NEK7: variants seen among roughly 807,000 people sequenced by gnomAD.
NEK7 encodes the protein NIMA related kinase 7.
NEK7 carries 18 observed loss-of-function variants against 44.6 expected under a neutral mutation model. The observed-to-expected ratio is 0.40, with a 90% CI of 0.28 to 0.60. The LOEUF (loss-of-function observed/expected upper bound fraction) is 0.60, where lower values mean the gene tolerates loss of function less well. NEK7 is among the 20% of genes least tolerant of loss of function. The pLI, the probability that NEK7 is intolerant of heterozygous loss-of-function variation, is 0.38. For synonymous variants in NEK7, 130 were observed against 121.1 expected, an observed-to-expected ratio of 1.07 and a Z score of -0.48; for missense variants, 256 against 366.5, an observed-to-expected ratio of 0.70 and a Z score of 2.46.
chr1:198,298,605 C>G (rs1654781726), intron 9 of NEK7, among the ~76,000 whole-genome samples: 1 of 152,154 alleles, frequency 6.6e-6, no homozygotes, highest in Non-Finnish European at 1.5e-5. Context: ...AACTTCAGAA[C>G]TATAGGCCTG....
intron 2 of NEK7, among the ~76,000 whole-genome samples, chr1:198,241,605 G>A (rs1038605268): frequency 6.6e-5 from 10 of 152,130 alleles, no homozygotes; most frequent in African/African-American, 1.2e-4. Context: ...AATATATAGC[G>A]GACCTGGAAG....
chr1:198,270,421 A>C (rs1410190327), intron 5 of NEK7, among the ~76,000 whole-genome samples: 1 of 152,052 alleles, frequency 6.6e-6, no homozygotes. Context: ...TTATCTGCCA[A>C]GAGAATGTCA....
chr1:198,273,209 T>C (rs892128944), intron 5 of NEK7, among the ~76,000 whole-genome samples: 1 of 151,810 alleles, frequency 6.6e-6, no homozygotes, highest in Non-Finnish European at 1.5e-5. Flanking sequence ...AGTGATCTCA[T>C]GACTGTCAGG....
At chr1:198,254,220 AC>A (rs1479164673) in intron 3 of NEK7, among the ~76,000 whole-genome samples, 7 of 152,174 alleles carry the variant, frequency 4.6e-5, no homozygotes, top group Non-Finnish European at 1.0e-4. Flanking sequence ...TAATAGAGAT[AC>A]CCGCATATCC....
At position 198,304,398 on chromosome 1, in the gene NEK7, C is replaced by G. The variant is rs530616794; in HGVS notation, c.798+7158C>G. Among the ~76,000 whole-genome samples, 3 of 152,180 alleles carry G rather than the reference C, an allele frequency of 2.0e-5. No individual in the cohort carries two copies. The South Asian group carries it at 6.2e-4, about 32-fold the overall frequency. On this transcript the variant is annotated intron_variant, in intron 9 of 9. Transcript: ENST00000367385. Reference sequence around the variant, plus strand: ...CATTTTGTATGAATATCTAAAGCTCCAAAATATAATGTACTTTAATGTATT... The same window carrying G: ...CATTTTGTATGAATATCTAAAGCTCGAAAATATAATGTACTTTAATGTATT...
chr1:198,174,297 A>G (rs1245001244), intron 1 of NEK7, among the ~76,000 whole-genome samples: 1 of 152,104 alleles, frequency 6.6e-6, no homozygotes, highest in Non-Finnish European at 1.5e-5. Context: ...TGGCTTTTAT[A>G]TACTTCCTTT....
intron 1 of NEK7, among the ~76,000 whole-genome samples, chr1:198,170,914 C>T (rs79190518): frequency 0.046 from 6,822 of 147,666 alleles, 563 homozygotes; most frequent in African/African-American, 0.16. Context: ...GGACCTCAAA[C>T]GTAGATTTCT....
intron 1 of NEK7, among the ~76,000 whole-genome samples, chr1:198,174,204 A>T (rs1401508773): frequency 2.0e-5 from 3 of 152,246 alleles, no homozygotes; most frequent in Non-Finnish European, 4.4e-5. Context: ...TTTAAAATGT[A>T]AAATATAACT....
chr1:198,286,841 C>A (rs1207430883), intron 7 of NEK7, among the ~76,000 whole-genome samples: 2 of 152,132 alleles, frequency 1.3e-5, no homozygotes, highest in African/African-American at 4.8e-5. Flanking sequence ...TAGAGGCTGC[C>A]CTCATTCCTT....
intron 8 of NEK7, 143 bp from the exon 9 acceptor site, chr1:198,296,984 G>A: frequency 3.8e-6 from 2 of 532,756 alleles, no homozygotes; most frequent in Admixed American, 3.8e-5. Flanking sequence ...TCCTCAGAAG[G>A]GGATATTCAT....
intron 7 of NEK7, among the ~76,000 whole-genome samples, chr1:198,286,109 T>C (rs1023492915): frequency 2.6e-5 from 4 of 152,136 alleles, no homozygotes; most frequent in Non-Finnish European, 1.5e-5. Context: ...TTGGTCAATT[T>C]AAAACATTTA....
At chr1:198,207,956 C>T (rs564783902) in intron 1 of NEK7, among the ~76,000 whole-genome samples, 1 of 152,192 alleles carries the variant, frequency 6.6e-6, no homozygotes, top group East Asian at 1.9e-4. Flanking sequence ...CCTTAGAACA[C>T]TTCAACTTCA....
chr1:198,254,384 G>T (rs1653179968), intron 3 of NEK7, among the ~76,000 whole-genome samples: 1 of 151,888 alleles, frequency 6.6e-6, no homozygotes, highest in African/African-American at 2.4e-5. Flanking sequence ...TTCTAAAATA[G>T]TCTATTGTTT....
chr1:198,204,458 G>T (rs1027241552), intron 1 of NEK7, among the ~76,000 whole-genome samples: 6 of 151,926 alleles, frequency 3.9e-5, no homozygotes, highest in African/African-American at 1.5e-4. Context: ...GGTGGCTCAC[G>T]CCTGTAATCC....
At chr1:198,191,353 C>T (rs1324237540) in intron 1 of NEK7, among the ~76,000 whole-genome samples, 1 of 151,946 alleles carries the variant, frequency 6.6e-6, no homozygotes, top group Non-Finnish European at 1.5e-5. Flanking sequence ...TTTAGCCCAT[C>T]TGATAAGTAT....
chr1:198,225,753 C>T (rs942850184), intron 1 of NEK7, among the ~76,000 whole-genome samples: 8 of 152,108 alleles, frequency 5.3e-5, no homozygotes, highest in African/African-American at 1.9e-4. Flanking sequence ...TGTGTTCTTT[C>T]CTCTTCTCAG....
intron 2 of NEK7, among the ~76,000 whole-genome samples, chr1:198,250,939 G>T (rs947204080): frequency 1.3e-5 from 2 of 152,146 alleles, no homozygotes; most frequent in Non-Finnish European, 2.9e-5. Flanking sequence ...TGGTGAGAGT[G>T]GGCATCCCTG....
intron 1 of NEK7, among the ~76,000 whole-genome samples, chr1:198,196,236 G>T (rs1665232542): frequency 6.6e-6 from 1 of 152,164 alleles, no homozygotes; most frequent in Non-Finnish European, 1.5e-5. Context: ...TCAGGAAAGG[G>T]TTATCACAAG....
chr1:198,243,978 T>C (rs1034938563), intron 2 of NEK7, among the ~76,000 whole-genome samples: 2 of 152,048 alleles, frequency 1.3e-5, no homozygotes, highest in African/African-American at 4.8e-5. Flanking sequence ...ATAGAAAGGA[T>C]ATTCTGGTTT....
Sources: gnomAD v4.1 joint callset for allele counts (sites outside exome capture counted in the v4.1 genomes callset) on GRCh38, gnomAD v4.1.1 for gene constraint, MANE v1.5 for transcripts, NCBI Gene and HGNC (gene_info 2026-07-23, HGNC 2026-07-21) for gene names.